BANK1: variants seen among roughly 807,000 people sequenced by gnomAD.
BANK1 encodes the protein B-cell scaffold protein with ankyrin repeats.
BANK1 carries 95 observed loss-of-function variants against 94.5 expected under a neutral mutation model. The observed-to-expected ratio is 1.00, with a 90% confidence interval of 0.85 to 1.19. The LOEUF (loss-of-function observed/expected upper bound fraction) is 1.19. Among genes scored for constraint, BANK1 ranks in the 50% most tolerant of loss-of-function variants. BANK1 has a pLI of 0.00. For synonymous variants in BANK1, 334 were observed against 308.4 expected, an observed-to-expected ratio of 1.08 and a Z score of -0.87; for missense variants, 987 against 932.2, an observed-to-expected ratio of 1.06 and a Z score of -0.77.
At chr4:102,061,421 G>C (rs910890126) in intron 12 of BANK1, 4 of 152,134 alleles carry the variant, frequency 2.6e-5, no homozygotes, top group Non-Finnish European at 5.9e-5. Context: ...CAGTTGTTAT[G>C]TTGCCAAATA....
At chr4:101,975,996 C>A (rs1458636673) in intron 7 of BANK1, among the ~76,000 whole-genome samples, 1 of 152,100 alleles carries the variant, frequency 6.6e-6, no homozygotes, top group Non-Finnish European at 1.5e-5. Context: ...TTTCCTACAA[C>A]ATATCCTCCC....
chr4:101,895,086 A>G (rs536920787), intron 5 of BANK1, among the ~76,000 whole-genome samples: 2 of 151,928 alleles, frequency 1.3e-5, no homozygotes, highest in South Asian at 2.1e-4. Context: ...ATCCAAAAGC[A>G]GAGACTTTTA....
At chr4:101,971,820 A>G (rs1432712167) in intron 7 of BANK1, among the ~76,000 whole-genome samples, 3 of 152,034 alleles carry the variant, frequency 2.0e-5, no homozygotes, top group African/African-American at 7.2e-5. Context: ...CTTCTGGGCT[A>G]TCTGTTCTGT....
intron 7 of BANK1, among the ~76,000 whole-genome samples, chr4:101,925,492 G>T (rs1723126027): frequency 6.6e-6 from 1 of 151,704 alleles, no homozygotes; most frequent in Non-Finnish European, 1.5e-5. Flanking sequence ...GGCAATTTAT[G>T]AAAGTAATAG....
At chr4:102,007,239 G>A (rs1277037110) in intron 7 of BANK1, among the ~76,000 whole-genome samples, 2 of 144,222 alleles carry the variant, frequency 1.4e-5, no homozygotes, top group East Asian at 2.0e-4. Flanking sequence ...AAATGAAAAT[G>A]TATATCTGGA....
intron 6 of BANK1, among the ~76,000 whole-genome samples, chr4:101,906,952 G>A (rs887270913): frequency 3.9e-5 from 6 of 152,176 alleles, no homozygotes; most frequent in Non-Finnish European, 8.8e-5. Context: ...TGGGAAATCA[G>A]GGGTCTCACA....
At chr4:101,969,683 C>A (rs1724890111) in intron 7 of BANK1, among the ~76,000 whole-genome samples, 1 of 151,916 alleles carries the variant, frequency 6.6e-6, no homozygotes, top group Admixed American at 6.6e-5. Context: ...GATAAGTATA[C>A]ATGTGCAGAT....
In BANK1 at chr4:101,870,558, G is replaced by A. The variant is rs2148881014; in HGVS notation, c.817G>A (p.Ala273Thr). 3.1e-6 allele frequency: 5 copies of A among 1,612,924 alleles called. No homozygotes were observed. The highest frequency in any genetic ancestry group is 4.2e-6 in the Non-Finnish European group (5 of 1,179,272). The change falls in exon 5 of 17, where the codon GCT becomes ACT. Residue 273 changes from alanine (A) to threonine (T), a missense_variant. By Grantham distance (58) the Ala-to-Thr change is moderately conservative. Transcript: ENST00000322953. ...TGTCTACTGTGATGGAATCGTTAAA[G>A]CTACAACCAAAATTAAGTACTACCC... is the stretch of plus-strand genomic sequence containing the variant. ...VNVYCDGIVK[A>T]TTKIKYYPTA...
In BANK1 at chr4:101,821,567, G is replaced by T. The variant is rs549976097; in HGVS notation, c.71-8241G>T. Among the ~76,000 whole-genome samples the T allele has an allele frequency of 9.9e-5, 15 of 152,202 alleles. No individual in the cohort carries two copies. In the East Asian group the frequency reaches 2.5e-3, roughly 25 times the overall value. ...GGTATTGCCTAGGTTGTCTTCCAGG[G>T]TTTTTGTAGTTTTGGGTTTTGCATT... On this transcript the variant is annotated intron_variant, in intron 1 of 16. Coordinates refer to ENST00000322953, the MANE Select transcript of BANK1 (RefSeq NM_017935.5).
At chr4:102,045,847 C>T (rs1340954693) in intron 11 of BANK1, among the ~76,000 whole-genome samples, 3 of 152,040 alleles carry the variant, frequency 2.0e-5, no homozygotes, top group East Asian at 3.9e-4. Flanking sequence ...GAATCAATAT[C>T]GTGAAAATGG....
At chr4:101,812,336 T>C (rs1725755879) in intron 1 of BANK1, among the ~76,000 whole-genome samples, 1 of 151,884 alleles carries the variant, frequency 6.6e-6, no homozygotes, top group South Asian at 2.1e-4. Flanking sequence ...AAGGAATATC[T>C]TCAAGTTCAA....
At chr4:101,977,488 T>C (rs1725175852) in intron 7 of BANK1, among the ~76,000 whole-genome samples, 1 of 152,190 alleles carries the variant, frequency 6.6e-6, no homozygotes, top group Non-Finnish European at 1.5e-5. Context: ...ATCTTTTTCA[T>C]CATAAACTGT....
At chr4:101,986,899 G>GTGTATATA (rs1343197093) in intron 7 of BANK1, among the ~76,000 whole-genome samples, 44 of 82,658 alleles carry the variant, frequency 5.3e-4, no homozygotes, top group African/African-American at 2.0e-3. Context: ...GTGTGTGTGT[G>GTGTATATA]TATATATATA....
intron 7 of BANK1, among the ~76,000 whole-genome samples, chr4:101,998,997 TA>T (rs1261060378): frequency 6.6e-6 from 1 of 152,152 alleles, no homozygotes; most frequent in East Asian, 1.9e-4. Flanking sequence ...TTGAAAAACA[TA>T]AGACTGAAAA....
rs1294835147 is a variant in BANK1 at position 101,855,159 on chromosome 4, A to G, written c.594A>G (p.Ala198=). Residue 198 remains alanine (A), a synonymous_variant, in exon 3 of 17, where the codon GCA becomes GCG. Coordinates refer to ENST00000322953, the MANE Select transcript of BANK1 (RefSeq NM_017935.5). The part of the protein sequence containing the change: ...SEASRNTIPL[A]VVLPTEIPCE... The stretch of plus-strand genomic sequence containing the variant: ...CTTCAAGAAACACCATACCACTAGC[A>G]GTGGTGCTTCCCACTGAAATTCCAT... The G allele has an allele frequency of 5.6e-6, 9 of 1,613,480 alleles. No homozygotes were observed. In the East Asian group the frequency reaches 6.7e-5, roughly 12 times the overall value.
intron 7 of BANK1, among the ~76,000 whole-genome samples, chr4:101,987,254 A>G (rs1267886075): frequency 1.3e-5 from 2 of 151,960 alleles, no homozygotes; most frequent in Non-Finnish European, 2.9e-5. Flanking sequence ...TTATTATAAT[A>G]TTTACTAGGG....
At chr4:101,967,477 T>G (rs941520706) in intron 7 of BANK1, among the ~76,000 whole-genome samples, 26 of 151,944 alleles carry the variant, frequency 1.7e-4, no homozygotes, top group Admixed American at 1.6e-3. Flanking sequence ...ATAATAGATT[T>G]AAACAAATTG....
In BANK1 at chr4:101,877,453, C is replaced by T. The variant is rs548673956; in HGVS notation, c.903+6809C>T. On this transcript the variant is annotated intron_variant, in intron 5 of 16. Coordinates refer to ENST00000322953, the MANE Select transcript of BANK1 (RefSeq NM_017935.5). ...TAGAAAGAGTAAGCGATGAACCAAT[C>T]AAAAATAGTAACTACAACAACTTTT... Among the ~76,000 whole-genome samples the T allele has an allele frequency of 9.9e-5, 15 of 152,104 alleles. No individual in the cohort carries two copies. The South Asian group carries it at 3.1e-3, about 32-fold the overall frequency.
At chr4:101,945,185 A>G (rs909939656) in intron 7 of BANK1, among the ~76,000 whole-genome samples, 2 of 151,998 alleles carry the variant, frequency 1.3e-5, no homozygotes, top group Non-Finnish European at 2.9e-5. Flanking sequence ...AAATAAGTAT[A>G]ATACTATGAT....
Sources: gnomAD v4.1 joint callset for allele counts (sites outside exome capture counted in the v4.1 genomes callset) on GRCh38, gnomAD v4.1.1 for gene constraint, MANE v1.5 for transcripts, NCBI Gene and HGNC (gene_info 2026-07-23, HGNC 2026-07-21) for gene names.